Variants in SLAMF1 observed in about 807,000 individuals in gnomAD.
SLAMF1 encodes the protein signaling lymphocytic activation molecule family member 1, also known as signaling lymphocytic activation molecule.
In SLAMF1, 18 loss-of-function variants were observed where a neutral mutation model predicts 35.1. The observed-to-expected ratio is 0.51, with a 90% CI of 0.35 to 0.76. The LOEUF (loss-of-function observed/expected upper bound fraction) is 0.76, where lower values mean the gene tolerates loss of function less well. SLAMF1 is among the 30% of genes least tolerant of loss of function. The probability of loss-of-function intolerance (pLI) is 0.01; values close to 1 mark genes in which losing one functional copy is unlikely to be tolerated. For missense variants in SLAMF1, 392 were observed against 413.0 expected (o/e 0.95, Z 0.44); for synonymous variants, 168 against 157.2 (o/e 1.07, Z -0.51).
intron 5 of SLAMF1, among the ~76,000 whole-genome samples, chr1:160,613,221 T>C (rs1305635968): frequency 2.6e-5 from 4 of 152,244 alleles, no homozygotes; most frequent in African/African-American, 9.6e-5. Context: ...ACTCAACTTA[T>C]AATGACCTAT....
chr1:160,635,353 G>A (rs959043846), intron 2 of SLAMF1, among the ~76,000 whole-genome samples: 23 of 152,230 alleles, frequency 1.5e-4, no homozygotes, highest in African/African-American at 4.1e-4. Flanking sequence ...GTGCGTGCGC[G>A]CGCGCGCATG....
At chr1:160,616,743 C>T (rs1659319928) in intron 5 of SLAMF1, among the ~76,000 whole-genome samples, 1 of 152,182 alleles carries the variant, frequency 6.6e-6, no homozygotes, top group Non-Finnish European at 1.5e-5. Context: ...GGCCAATAAA[C>T]ATATGAAAAG....
chr1:160,640,811 T>C (rs1004077964), intron 1 of SLAMF1, among the ~76,000 whole-genome samples: 5 of 152,186 alleles, frequency 3.3e-5, no homozygotes, highest in African/African-American at 4.8e-5. Flanking sequence ...AATTAGGCAT[T>C]TGTCTTTTAA....
At chr1:160,610,938 G>C in intron 6 of SLAMF1, 140 bp from the exon 7 acceptor site, 2 of 679,106 alleles carry the variant, frequency 2.9e-6, no homozygotes, top group Non-Finnish European at 5.2e-6. Context: ...ACAGGGCCTT[G>C]CTGGGACAGC....
chr1:160,644,955 A>G (rs1660956512), intron 1 of SLAMF1, among the ~76,000 whole-genome samples: 1 of 152,202 alleles, frequency 6.6e-6, no homozygotes, highest in South Asian at 2.1e-4. Context: ...CAAATGTACC[A>G]TCCTGGTGGG....
At chr1:160,616,016 C>A (rs1659282362) in intron 5 of SLAMF1, among the ~76,000 whole-genome samples, 1 of 152,138 alleles carries the variant, frequency 6.6e-6, no homozygotes, top group South Asian at 2.1e-4. Flanking sequence ...TTGTTTTAAG[C>A]CACCAAGTTT....
intron 1 of SLAMF1, among the ~76,000 whole-genome samples, chr1:160,640,241 C>T (rs1660666346): frequency 1.3e-5 from 2 of 149,132 alleles, no homozygotes; most frequent in South Asian, 4.2e-4. Context: ...ATATAGGAGG[C>T]ATTTAATAAA....
intron 1 of SLAMF1, among the ~76,000 whole-genome samples, chr1:160,638,984 C>T (rs923294686): frequency 2.6e-5 from 4 of 152,176 alleles, no homozygotes; most frequent in African/African-American, 9.7e-5. Flanking sequence ...CAGTTTCTCA[C>T]CCAATTGCAC....
intron 1 of SLAMF1, among the ~76,000 whole-genome samples, chr1:160,643,089 C>T (rs1660839334): frequency 6.6e-6 from 1 of 152,094 alleles, no homozygotes; most frequent in African/African-American, 2.4e-5. Context: ...AGGTCAATTG[C>T]TCTATGTGAG....
chr1:160,618,403 A>AGTGTGT (rs149042392), intron 5 of SLAMF1, among the ~76,000 whole-genome samples: 14 of 149,640 alleles, frequency 9.4e-5, no homozygotes, highest in African/African-American at 2.7e-4. Flanking sequence ...TGTGAGAGTG[A>AGTGTGT]GTGTGTGTGT....
chr1:160,623,515 G>A (rs1204590459), intron 4 of SLAMF1: 1 of 398,752 alleles, frequency 2.5e-6, no homozygotes, highest in Non-Finnish European at 4.4e-6. Flanking sequence ...TGGGAAGGCA[G>A]CCGGGGCATC....
chr1:160,645,803 G>A (rs1377280314), intron 1 of SLAMF1, among the ~76,000 whole-genome samples: 1 of 152,120 alleles, frequency 6.6e-6, no homozygotes, highest in Non-Finnish European at 1.5e-5. Flanking sequence ...CTGGCTGTCT[G>A]GTAAAAGACA....
intron 5 of SLAMF1, among the ~76,000 whole-genome samples, chr1:160,617,125 C>T (rs1483873324): frequency 1.3e-5 from 2 of 151,262 alleles, no homozygotes; most frequent in Non-Finnish European, 2.9e-5. Flanking sequence ...CACTGCACCC[C>T]AGCCTAGGCA....
chr1:160,621,849 T>C (rs1339776083), intron 4 of SLAMF1, among the ~76,000 whole-genome samples: 1 of 123,868 alleles, frequency 8.1e-6, no homozygotes, highest in East Asian at 2.1e-4. Flanking sequence ...GGAGTGTGCG[T>C]GAGTGCGTGT....
At chr1:160,639,486 C>A (rs1660630805) in intron 1 of SLAMF1, among the ~76,000 whole-genome samples, 1 of 152,162 alleles carries the variant, frequency 6.6e-6, no homozygotes, top group Non-Finnish European at 1.5e-5. Flanking sequence ...CTCGGCCTCC[C>A]AAAGTGCTGG....
At chr1:160,629,667 C>T (rs1174997303) in intron 3 of SLAMF1, among the ~76,000 whole-genome samples, 1 of 152,170 alleles carries the variant, frequency 6.6e-6, no homozygotes, top group African/African-American at 2.4e-5. Context: ...CCTATCCCAC[C>T]CAGCATTGCA....
chr1:160,622,322 T>C (rs965696517), intron 4 of SLAMF1, among the ~76,000 whole-genome samples: 4 of 152,336 alleles, frequency 2.6e-5, no homozygotes, highest in Admixed American at 6.5e-5. Context: ...CTGTGTGGCA[T>C]TGGACAAATC....
At chr1:160,610,890 G>A in intron 6 of SLAMF1, 92 bp from the exon 7 acceptor site, 1 of 1,003,250 alleles carries the variant, frequency 1.0e-6, no homozygotes, top group Non-Finnish European at 1.6e-6. Context: ...AAAAGGAAAG[G>A]GTCTTAGAGA....
At chr1:160,640,973 C>T (rs1285039961) in intron 1 of SLAMF1, among the ~76,000 whole-genome samples, 1 of 152,112 alleles carries the variant, frequency 6.6e-6, no homozygotes, top group Non-Finnish European at 1.5e-5. Context: ...CTTATGGATG[C>T]CTGACTGTCT....
Sources: allele counts gnomAD v4.1 joint callset (sites outside exome capture counted in the v4.1 genomes callset), GRCh38; gene constraint gnomAD v4.1.1; transcripts MANE v1.5; gene names NCBI Gene and HGNC (gene_info 2026-07-23, HGNC 2026-07-21).